Variants in PLEKHA5 observed in about 807,000 individuals in gnomAD.
PLEKHA5 encodes pleckstrin homology domain containing A5.
In PLEKHA5, 55 loss-of-function variants were observed where a neutral mutation model predicts 181.9. The observed-to-expected ratio is 0.30, with a 90% CI of 0.24 to 0.38. The LOEUF (loss-of-function observed/expected upper bound fraction) is 0.38, where lower values mean the gene tolerates loss of function less well. Ranked by LOEUF, PLEKHA5 falls within the 10% of genes least tolerant of loss-of-function variation. The probability of loss-of-function intolerance (pLI) is 1.00; values close to 1 mark genes in which losing one functional copy is unlikely to be tolerated. For synonymous variants in PLEKHA5, 535 were observed against 529.4 expected (o/e 1.01, Z -0.15); for missense variants, 1,432 against 1,549.5 (o/e 0.92, Z 1.27).
intron 2 of PLEKHA5, among the ~76,000 whole-genome samples, chr12:19,131,811 C>T (rs187387319): frequency 1.3e-4 from 20 of 152,186 alleles, no homozygotes; most frequent in Admixed American, 1.2e-3. Context: ...ACATAATGAC[C>T]ATTGTTCACC....
chr12:19,237,071 A>C (rs565007437), intron 3 of PLEKHA5: 1 of 152,208 alleles, frequency 6.6e-6, no homozygotes, highest in Non-Finnish European at 1.5e-5. Flanking sequence ...ATTAATAATA[A>C]ATAGCTAATA....
intron 29 of PLEKHA5, among the ~76,000 whole-genome samples, chr12:19,362,890 C>G (rs1057185588): frequency 6.6e-6 from 1 of 151,984 alleles, no homozygotes; most frequent in Non-Finnish European, 1.5e-5. Flanking sequence ...TATGCCTTTA[C>G]AGTCGGCCCT....
intron 3 of PLEKHA5, among the ~76,000 whole-genome samples, chr12:19,239,149 G>A (rs2061973527): frequency 6.6e-6 from 1 of 152,146 alleles, no homozygotes; most frequent in Non-Finnish European, 1.5e-5. Context: ...ACGAAGAAAT[G>A]AATTGGCAAA....
At chr12:19,348,093 G>C (rs1472840314) in intron 24 of PLEKHA5, among the ~76,000 whole-genome samples, 1 of 151,910 alleles carries the variant, frequency 6.6e-6, no homozygotes, top group Non-Finnish European at 1.5e-5. Flanking sequence ...ATGTTGGCTG[G>C]GCTGGTCTCA....
chr12:19,279,887 A>T (rs2075622472), intron 11 of PLEKHA5, among the ~76,000 whole-genome samples: 1 of 151,886 alleles, frequency 6.6e-6, no homozygotes, highest in Non-Finnish European at 1.5e-5. Context: ...GCTTTAACCC[A>T]CAAAGAGAAG....
chr12:19,327,927 G>A (rs1019843223), intron 20 of PLEKHA5, among the ~76,000 whole-genome samples: 22 of 152,122 alleles, frequency 1.4e-4, no homozygotes, highest in African/African-American at 2.4e-4. Flanking sequence ...TTACAGGCGT[G>A]AGCCACCATG....
chr12:19,213,242 A>G (rs1299663344), intron 3 of PLEKHA5, among the ~76,000 whole-genome samples: 1 of 152,006 alleles, frequency 6.6e-6, no homozygotes, highest in Non-Finnish European at 1.5e-5. Flanking sequence ...GGCTTCTCAG[A>G]GCAGATTATG....
intron 3 of PLEKHA5, among the ~76,000 whole-genome samples, chr12:19,172,027 T>C (rs2046013245): frequency 6.6e-6 from 1 of 152,202 alleles, no homozygotes; most frequent in Non-Finnish European, 1.5e-5. Context: ...TGAGGCTGTT[T>C]ACAGTTAGCT....
At chr12:19,326,632 C>G (rs1008085055) in intron 20 of PLEKHA5, among the ~76,000 whole-genome samples, 9 of 152,018 alleles carry the variant, frequency 5.9e-5, no homozygotes, top group Non-Finnish European at 1.3e-4. Context: ...TTAACTGGGT[C>G]TATTGTGTGA....
intron 25 of PLEKHA5, 51 bp downstream of exon 25, chr12:19,348,570 T>G (rs746093458): frequency 7.1e-7 from 1 of 1,412,046 alleles, no homozygotes; most frequent in African/African-American, 1.5e-5. Context: ...TTGAAGACAA[T>G]TTACTGCCAA....
chr12:19,323,016 ATTTTTTTTT>A (rs538132540), intron 20 of PLEKHA5, among the ~76,000 whole-genome samples: 34 of 92,756 alleles, frequency 3.7e-4, no homozygotes, highest in African/African-American at 1.5e-3. Context: ...ACCTGGCTAG[ATTTTTTTTT>A]TTTTTTTTTT....
At chr12:19,203,743 A>T (rs950695633) in intron 3 of PLEKHA5, among the ~76,000 whole-genome samples, 13 of 152,146 alleles carry the variant, frequency 8.5e-5, no homozygotes, top group Admixed American at 4.6e-4. Flanking sequence ...GAACTCTTTT[A>T]AAAGCAGAGA....
At chr12:19,290,896 C>A in intron 14 of PLEKHA5, 100 bp downstream of exon 14, 2 of 1,007,260 alleles carry the variant, frequency 2.0e-6, no homozygotes, top group Non-Finnish European at 2.8e-6. Context: ...TGAGCATGAG[C>A]CCATACCATC....
Position 19,130,381 on chromosome 12 carries a change from C to T in PLEKHA5, c.169+251C>T, listed in dbSNP as rs952465916. Among the ~76,000 whole-genome samples the T allele has an allele frequency of 4.6e-5, 7 of 151,962 alleles. No homozygotes were observed. Among genetic ancestry groups the T allele is most frequent in the Non-Finnish European group, 1.0e-4 (7 of 67,968 alleles). On this transcript the variant is annotated intron_variant, in intron 2 of 31. Transcript: ENST00000429027. The surrounding 1 kb of genome is among the most constrained non-coding windows in gnomAD (Gnocchi z 4.5). Reference sequence around the variant, plus strand: ...TGGAGACGGCGCCCTCTTCCTGCGCCTTCTCCCCCCATCCCAGCCTAGACG... The same window carrying T: ...TGGAGACGGCGCCCTCTTCCTGCGCTTTCTCCCCCCATCCCAGCCTAGACG...
At chr12:19,167,765 A>G (rs151208624) in intron 3 of PLEKHA5, among the ~76,000 whole-genome samples, 28 of 152,248 alleles carry the variant, frequency 1.8e-4, no homozygotes, top group African/African-American at 6.7e-4. Context: ...ACATAAAATT[A>G]CAACTATGAT....
intron 3 of PLEKHA5, among the ~76,000 whole-genome samples, chr12:19,171,717 A>G (rs1231408957): frequency 1.3e-5 from 2 of 152,224 alleles, no homozygotes; most frequent in Admixed American, 1.3e-4. Context: ...TGTAATAACA[A>G]TTAGCTTAAA....
At chr12:19,363,926 G>A (rs1049318969) in intron 29 of PLEKHA5, among the ~76,000 whole-genome samples, 7 of 152,186 alleles carry the variant, frequency 4.6e-5, no homozygotes, top group Non-Finnish European at 1.0e-4. Context: ...GATTGAATTT[G>A]AAAAGTATTT....
chr12:19,140,863 A>G lies in PLEKHA5; in HGVS notation c.227+8413A>G, dbSNP rs114654037. Among the ~76,000 whole-genome samples, 442 of 152,268 alleles carry G rather than the reference A, an allele frequency of 2.9e-3. 6 individuals are homozygous for G. The highest frequency in any genetic ancestry group is 0.01 in the African/African-American group (423 of 41,544). On this transcript the variant is annotated intron_variant, in intron 3 of 31. Transcript: ENST00000429027. Reference sequence around the variant, plus strand: ...GAGTACAGTGACTCAGTCTCGGTTCACTGCAACCTCTGCCTCCTGGGTTCA... The same window carrying G: ...GAGTACAGTGACTCAGTCTCGGTTCGCTGCAACCTCTGCCTCCTGGGTTCA...
chr12:19,257,973 A>C (rs1203007634), intron 6 of PLEKHA5, among the ~76,000 whole-genome samples: 1 of 152,068 alleles, frequency 6.6e-6, no homozygotes, highest in Non-Finnish European at 1.5e-5. Context: ...TTTTACAATA[A>C]TTTCAGATTT....
Sources: gnomAD v4.1 joint callset for allele counts (sites outside exome capture counted in the v4.1 genomes callset) on GRCh38, gnomAD v4.1.1 for gene constraint, Gnocchi (gnomAD v3.1) non-coding constraint, MANE v1.5 for transcripts, NCBI Gene and HGNC (gene_info 2026-07-23, HGNC 2026-07-21) for gene names.